Variants in INSR observed in about 807,000 individuals in gnomAD.
INSR encodes IR.
INSR carries 67 observed loss-of-function variants against 142.6 expected under a neutral mutation model. The ratio of observed to expected loss-of-function variants is 0.47; its 90% confidence interval spans 0.39 to 0.58. INSR has a LOEUF of 0.58. Ranked by LOEUF, INSR falls within the 20% of genes least tolerant of loss-of-function variation. The pLI is 0.00. For synonymous variants in INSR, 756 were observed against 743.1 expected (o/e 1.02, Z -0.28); for missense variants, 1,248 against 1,833.2 (o/e 0.68, Z 5.83).
chr19:7,275,161 G>C (rs983169271), intron 1 of INSR, among the ~76,000 whole-genome samples: 3 of 151,796 alleles, frequency 2.0e-5, no homozygotes, highest in Non-Finnish European at 2.9e-5. Context: ...TTTTAGTAGA[G>C]ACAAGGTTTC....
intron 9 of INSR, among the ~76,000 whole-genome samples, chr19:7,155,584 G>C (rs77615425): frequency 0.012 from 1,704 of 146,142 alleles, 13 homozygotes; most frequent in Non-Finnish European, 0.019. Flanking sequence ...TAGCTGGAAG[G>C]GGGTGAGAGA....
chr19:7,132,303 G>T lies in INSR; in HGVS notation c.2697C>A (p.Cys899Ter), dbSNP rs191340770. The T allele has an allele frequency of 6.2e-7, 1 of 1,614,032 alleles. No individual in the cohort carries two copies. Among genetic ancestry groups the T allele is most frequent in the East Asian group, 2.2e-5 (1 of 44,878 alleles). ...CCAGAGCGAAGTGCTTGCGGGAGAC[G>T]CAGAGATGCAGCTCCTGGGAGGAAG... ...RRYGDEELHL[C>*]VSRKHFALER... is the part of the protein sequence containing the mutation. Residue 899 changes from cysteine to a stop codon, truncating the protein, a stop_gained, in exon 14 of 22, where the codon TGC (cysteine) becomes TGA (stop). Transcript: ENST00000302850. LOFTEE classifies it high-confidence loss of function.
At chr19:7,121,084 A>G (rs555686363) in intron 19 of INSR, among the ~76,000 whole-genome samples, 2 of 151,144 alleles carry the variant, frequency 1.3e-5, no homozygotes, top group South Asian at 4.2e-4. Flanking sequence ...TGCAACCTCT[A>G]CCTCCCTGAT....
intron 2 of INSR, among the ~76,000 whole-genome samples, chr19:7,245,225 C>G (rs952692221): frequency 6.6e-6 from 1 of 151,942 alleles, no homozygotes; most frequent in Non-Finnish European, 1.5e-5. Context: ...CGTGAGCCAC[C>G]GCGCCCAGCC....
intron 9 of INSR, among the ~76,000 whole-genome samples, chr19:7,158,371 G>T (rs952161141): frequency 6.6e-6 from 1 of 151,972 alleles, no homozygotes; most frequent in African/African-American, 2.4e-5. Flanking sequence ...CGTGGTGGCG[G>T]GCGCCTGTAG....
chr19:7,126,140 G>C (rs1972640007), intron 16 of INSR, among the ~76,000 whole-genome samples: 2 of 152,176 alleles, frequency 1.3e-5, no homozygotes, highest in Non-Finnish European at 2.9e-5. Context: ...AGCCTAAGAG[G>C]CTAGATGGAC....
intron 13 of INSR, among the ~76,000 whole-genome samples, chr19:7,140,700 A>G (rs755953749): frequency 2.0e-5 from 3 of 152,072 alleles, no homozygotes; most frequent in Non-Finnish European, 4.4e-5. Context: ...CTTACAAGCA[A>G]TGCATTTTAC....
At position 7,120,646 on chromosome 19, in the gene INSR, C is replaced by T. The variant is rs1207707972; in HGVS notation, c.3633G>A (p.Gly1211=). The change falls in exon 20 of 22, where the codon GGG becomes GGA. Residue 1211 remains glycine (G), a synonymous_variant. Transcript: ENST00000302850. ...RWMAPESLKD[G]VFTTSSDMWS... is the part of the protein sequence containing the mutation. ...ACATGTCAGAAGAAGTGGTGAAGAC[C>T]CCATCCTTCAGGGACTCCGGTGCCA... 7 of 1,614,034 alleles carry T rather than the reference C, an allele frequency of 4.3e-6. No individual in the cohort carries two copies. Among genetic ancestry groups the T allele is most frequent in the Non-Finnish European group, 4.2e-6 (5 of 1,180,022 alleles).
intron 13 of INSR, among the ~76,000 whole-genome samples, chr19:7,134,663 G>T (rs1328867834): frequency 1.3e-5 from 2 of 151,944 alleles, no homozygotes; most frequent in Non-Finnish European, 2.9e-5. Context: ...TACTCGAGAG[G>T]CTGAGGCAGG....
chr19:7,292,639 T>C (rs1238741893), intron 1 of INSR, among the ~76,000 whole-genome samples: 1 of 152,156 alleles, frequency 6.6e-6, no homozygotes, highest in East Asian at 1.9e-4. Flanking sequence ...TCACGACTGA[T>C]TTCCTTTTAT....
Position 7,152,712 on chromosome 19 carries a change from C to T in INSR, c.2231+14G>A, listed in dbSNP as rs376384965. On this transcript the variant is annotated intron_variant, in intron 10 of 21. Transcript: ENST00000302850. ...ATTGGCACCCACTAAGAGAGCCCAG[C>T]GCCAAGTCCTGACCTGGGGACGAAA... 5.6e-6 allele frequency: 9 copies of T among 1,607,862 alleles called. No homozygotes were observed. The highest frequency in any genetic ancestry group is 5.4e-5 in the African/African-American group (4 of 74,716).
At chr19:7,153,171 A>C in intron 9 of INSR, among the ~76,000 whole-genome samples, 2 of 132,944 alleles carry the variant, frequency 1.5e-5, no homozygotes, top group Non-Finnish European at 1.6e-5. Context: ...ACATACACAC[A>C]CCACAAACAC....
rs767887278 is a variant in INSR at position 7,141,767 on chromosome 19, G to A, written c.2592C>T (p.Asn864=). 1 of 1,614,162 alleles carries A rather than the reference G, an allele frequency of 6.2e-7. No individual in the cohort carries two copies. Among genetic ancestry groups the A allele is most frequent in the Non-Finnish European group, 8.5e-7 (1 of 1,180,030 alleles). Residue 864 remains asparagine (N), a synonymous_variant, in exon 13 of 22, where the codon AAC becomes AAT. Coordinates refer to ENST00000302850, the MANE Select transcript of INSR (RefSeq NM_000208.4). ...VGPVTHEIFE[N]NVVHLMWQEP... ...CCTGCCACATCAAGTGGACGACGTT[G>A]TTCTCAAAGATTTCATGCGTCACAG...
intron 2 of INSR, among the ~76,000 whole-genome samples, chr19:7,220,535 C>T (rs1452071447): frequency 6.6e-6 from 1 of 152,146 alleles, no homozygotes; most frequent in East Asian, 1.9e-4. Context: ...GTGATCCTCC[C>T]GCCTTGGCCT....
chr19:7,173,234 AG>A (rs2144957374), intron 4 of INSR, among the ~76,000 whole-genome samples: 1 of 152,336 alleles, frequency 6.6e-6, no homozygotes, highest in African/African-American at 2.4e-5. Context: ...CATCAAGGTA[AG>A]GACTTTCCCT....
intron 1 of INSR, among the ~76,000 whole-genome samples, chr19:7,270,962 C>T (rs1190843042): frequency 2.0e-5 from 3 of 148,026 alleles, no homozygotes; most frequent in South Asian, 2.2e-4. Flanking sequence ...TTTGGGAGGC[C>T]GAGGCAGGAG....
At chr19:7,268,945 G>A (rs1468494053) in intron 1 of INSR, among the ~76,000 whole-genome samples, 4 of 151,388 alleles carry the variant, frequency 2.6e-5, no homozygotes, top group African/African-American at 9.7e-5. Flanking sequence ...ACCTATTTGC[G>A]TGTTTCTCCT....
intron 2 of INSR, among the ~76,000 whole-genome samples, chr19:7,237,286 A>G (rs1168852544): frequency 6.6e-6 from 1 of 152,118 alleles, no homozygotes; most frequent in Non-Finnish European, 1.5e-5. Flanking sequence ...TAGGAGGCCA[A>G]GGCAGGTGGA....
intron 13 of INSR, among the ~76,000 whole-genome samples, chr19:7,135,247 A>G (rs1254536273): frequency 1.3e-5 from 2 of 151,164 alleles, no homozygotes; most frequent in African/African-American, 4.9e-5. Context: ...AGGGACAAAT[A>G]AGCAAATATA....
Sources: gnomAD v4.1 joint callset for allele counts (sites outside exome capture counted in the v4.1 genomes callset) on GRCh38, gnomAD v4.1.1 for gene constraint, MANE v1.5 for transcripts, NCBI Gene and HGNC (gene_info 2026-07-23, HGNC 2026-07-21) for gene names.